DROSHA: variants seen among roughly 807,000 people sequenced by gnomAD.
The protein encoded by DROSHA is drosha ribonuclease III, also known as ribonuclease 3.
In DROSHA, 56 loss-of-function variants were observed where a neutral mutation model predicts 181.9. The ratio of observed to expected loss-of-function variants is 0.31; its 90% CI spans 0.25 to 0.38. The LOEUF is 0.38. DROSHA is among the 10% of genes least tolerant of loss of function. DROSHA has a pLI of 1.00. For missense variants in DROSHA, 1,218 were observed against 1,743.5 expected, an observed-to-expected ratio of 0.70 and a Z score of 5.37; for synonymous variants, 524 against 591.2, an observed-to-expected ratio of 0.89 and a Z score of 1.65.
intron 6 of DROSHA, 43 bp from the exon 7 acceptor site, chr5:31,515,607 A>G (rs1739193942): frequency 1.3e-6 from 2 of 1,548,506 alleles, no homozygotes; most frequent in African/African-American, 1.4e-5. Flanking sequence ...AAATGTCCAC[A>G]TATGGACAAT....
At chr5:31,440,577 T>A (rs1310012224) in intron 23 of DROSHA, among the ~76,000 whole-genome samples, 6 of 152,190 alleles carry the variant, frequency 3.9e-5, no homozygotes, top group Admixed American at 3.3e-4. Flanking sequence ...AATAAGTGAT[T>A]CTGAACCCTC....
intron 30 of DROSHA, among the ~76,000 whole-genome samples, chr5:31,415,867 C>T (rs1741877755): frequency 6.6e-6 from 1 of 152,170 alleles, no homozygotes; most frequent in Non-Finnish European, 1.5e-5. Flanking sequence ...CAATTTATAC[C>T]TTGACCCTAC....
intron 6 of DROSHA, among the ~76,000 whole-genome samples, chr5:31,518,356 A>G (rs1274465141): frequency 6.6e-6 from 1 of 152,236 alleles, no homozygotes; most frequent in African/African-American, 2.4e-5. Context: ...GTCATCCACT[A>G]CGGGAAAAGG....
intron 20 of DROSHA, among the ~76,000 whole-genome samples, chr5:31,460,499 C>T (rs1748282165): frequency 6.6e-6 from 1 of 152,144 alleles, no homozygotes; most frequent in African/African-American, 2.4e-5. Context: ...GTTTCGTCTC[C>T]TGCAGAAACC....
chr5:31,521,204 C>T lies in DROSHA; in HGVS notation c.866G>A (p.Arg289Gln), dbSNP rs1410117035. ...GTTGTCTCGATGCCTGTGTCTCTCC[C>T]GTTCTCGCTCTCTTAAAGGAATTAA... ...RSYERSRERE[R>Q]ERHRHRDNRR... The change falls in exon 6 of 36, where the codon CGG becomes CAG. Residue 289 changes from arginine to glutamine, a missense_variant. Arg to Gln is a conservative substitution (Grantham distance 43). Transcript: ENST00000344624. 1 of 1,613,586 alleles carries T rather than the reference C, an allele frequency of 6.2e-7. No individual in the cohort carries two copies. Among genetic ancestry groups the T allele is most frequent in the Non-Finnish European group, 8.5e-7 (1 of 1,179,596 alleles).
chr5:31,501,474 C>G (rs531297552), intron 11 of DROSHA, among the ~76,000 whole-genome samples: 7 of 151,926 alleles, frequency 4.6e-5, no homozygotes, highest in Non-Finnish European at 1.0e-4. Context: ...CCACCACCCC[C>G]GTCAACCCAG....
rs1247652974 is a variant in DROSHA, at chr5:31,486,748, T to A, written c.1843-186A>T. 3.3e-5 allele frequency: 17 copies of A among 522,034 alleles called. No individual in the cohort carries two copies. In the South Asian group the frequency reaches 4.9e-4, roughly 15 times the overall value. The allele number at this position is 522,034 out of a possible 1,614,324, so 32.3% of individuals were successfully genotyped here. ...TGGATTTTAATGACAAGAACCCAGC[T>A]GGCCTGGCCTCGCCAAGAAACCTGC... On this transcript the variant is annotated intron_variant, in intron 13 of 35. Coordinates refer to ENST00000344624, the MANE Select transcript of DROSHA (RefSeq NM_001382508.1).
intron 11 of DROSHA, among the ~76,000 whole-genome samples, chr5:31,503,638 C>T (rs1737565615): frequency 6.6e-6 from 1 of 152,174 alleles, no homozygotes; most frequent in African/African-American, 2.4e-5. Context: ...ACAAGCCAGG[C>T]CTGATCAGAC....
intron 30 of DROSHA, among the ~76,000 whole-genome samples, chr5:31,420,612 T>A (rs1448511774): frequency 6.6e-6 from 1 of 152,206 alleles, no homozygotes; most frequent in Non-Finnish European, 1.5e-5. Flanking sequence ...CCCTACTGCC[T>A]CTCAGTCTTC....
intron 27 of DROSHA, among the ~76,000 whole-genome samples, chr5:31,428,886 G>A (rs113577655): frequency 3.9e-4 from 59 of 152,280 alleles, no homozygotes; most frequent in African/African-American, 1.4e-3. Context: ...TTAAAAAGGT[G>A]TCTCTGGCAA....
intron 18 of DROSHA, 99 bp downstream of exon 18, chr5:31,467,840 T>C: frequency 6.9e-7 from 1 of 1,455,838 alleles, no homozygotes; most frequent in African/African-American, 1.4e-5. Context: ...CAGGTCTTAA[T>C]TTTTAAAAAG....
In DROSHA at chr5:31,411,634, C is replaced by CT. The variant is rs1000118907; in HGVS notation, c.3526-748dup. Among the ~76,000 whole-genome samples, 29 of 151,390 alleles carry CT rather than the reference C, an allele frequency of 1.9e-4. No individual in the cohort carries two copies. Among genetic ancestry groups the CT allele is most frequent in the African/African-American group, 3.6e-4 (15 of 41,224 alleles). On this transcript the variant is annotated intron_variant, in intron 30 of 35. Transcript: ENST00000344624. This position sits in a 1 kb window ranked among gnomAD's most constrained non-coding sequence, Gnocchi z 4.2. ...AGTCTCAGTTTTTCATACTGATATC[C>CT]TTTTTTTTGAGACAGGCTCTTGCTC... is the stretch of plus-strand genomic sequence containing the variant.
At chr5:31,509,556 A>C (rs1738417954) in intron 9 of DROSHA, among the ~76,000 whole-genome samples, 1 of 152,178 alleles carries the variant, frequency 6.6e-6, no homozygotes, top group Non-Finnish European at 1.5e-5. Flanking sequence ...TCGTAGGCAA[A>C]AGCGTGGAGC....
chr5:31,493,893 A>C (rs923530901), intron 12 of DROSHA, among the ~76,000 whole-genome samples: 3 of 150,762 alleles, frequency 2.0e-5, no homozygotes, highest in African/African-American at 7.4e-5. Flanking sequence ...TATCAATCTA[A>C]GCATGAAGCC....
chr5:31,495,254 A>T (rs1430698308), intron 12 of DROSHA, 32 bp downstream of exon 12: 1 of 1,595,302 alleles, frequency 6.3e-7, no homozygotes, highest in East Asian at 2.2e-5. Flanking sequence ...TTACATTTTA[A>T]ATGATATGCA....
At chr5:31,451,086 CA>C (rs1196192557) in intron 21 of DROSHA, among the ~76,000 whole-genome samples, 1 of 152,090 alleles carries the variant, frequency 6.6e-6, no homozygotes, top group African/African-American at 2.4e-5. Context: ...CCTGTAATTC[CA>C]GCTACTCAGG....
rs186756296 is a variant in DROSHA at position 31,419,666 on chromosome 5, T to C, written c.3525+1606A>G. Among the ~76,000 whole-genome samples, 181 of 152,236 alleles carry C rather than the reference T, an allele frequency of 1.2e-3. 1 individual carries two copies. Among genetic ancestry groups the C allele is most frequent in the African/African-American group, 4.1e-3 (172 of 41,566 alleles). On this transcript the variant is annotated intron_variant, in intron 30 of 35. Transcript: ENST00000344624. ...ATCCTAGCGTTCACAATTAATTTTGTAGGAATACCAGGGGAAATGTGTGTA... is the reference window on the plus strand; with the variant it reads ...ATCCTAGCGTTCACAATTAATTTTGCAGGAATACCAGGGGAAATGTGTGTA...
intron 20 of DROSHA, among the ~76,000 whole-genome samples, chr5:31,461,837 A>G (rs1301512141): frequency 6.6e-6 from 1 of 151,314 alleles, no homozygotes; most frequent in African/African-American, 2.4e-5. Flanking sequence ...CCAAATTTCC[A>G]TATGTTGATG....
chr5:31,407,017 A>T, intron 33 of DROSHA, 72 bp from the exon 34 acceptor site: 1 of 1,354,422 alleles, frequency 7.4e-7, no homozygotes, highest in Non-Finnish European at 1.0e-6. Flanking sequence ...AACTATGAGG[A>T]AAACCATGTA....
Sources: allele counts gnomAD v4.1 joint callset (sites outside exome capture counted in the v4.1 genomes callset), GRCh38; gene constraint gnomAD v4.1.1; non-coding constraint Gnocchi (gnomAD v3.1); transcripts MANE v1.5; gene names NCBI Gene and HGNC (gene_info 2026-07-23, HGNC 2026-07-21).